DNAH11: variants seen among roughly 807,000 people sequenced by gnomAD.
DNAH11 encodes dynein axonemal heavy chain 11.
DNAH11 carries 442 observed loss-of-function variants against 526.0 expected under a neutral mutation model. The observed-to-expected ratio is 0.84, with a 90% CI of 0.78 to 0.91. The LOEUF (loss-of-function observed/expected upper bound fraction) is 0.91. Ranked by LOEUF, DNAH11 falls within the 40% of genes least tolerant of loss-of-function variation. DNAH11 has a pLI of 0.00. For missense variants in DNAH11, 6,989 were observed against 5,448.7 expected (o/e 1.28, Z -8.90); for synonymous variants, 2,461 against 1,935.9 (o/e 1.27, Z -7.12).
Position 21,687,120 on chromosome 7 carries a change from A to G in DNAH11, c.5643A>G (p.Gln1881=), listed in dbSNP as rs1477174216. Residue 1881 remains glutamine (Q), a synonymous_variant, in exon 33 of 82, where the codon CAA becomes CAG. Transcript: ENST00000409508. ...LTDRCYITLT[Q]SLHLTMSGAP... ...AAAGGTGTTATATTACCTTAACTCA[A>G]TCACTTCATCTAACCATGAGTGGGG... 3 of 1,613,318 alleles carry G rather than the reference A, an allele frequency of 1.9e-6. No homozygotes were observed. Among genetic ancestry groups the G allele is most frequent in the Admixed American group, 1.7e-5 (1 of 59,872 alleles).
chr7:21,657,677 G>T (rs62447809), intron 29 of DNAH11, among the ~76,000 whole-genome samples: 14,865 of 152,144 alleles, frequency 0.098, 1,043 homozygotes, highest in African/African-American at 0.2. Context: ...AGTTATTAAG[G>T]CAGAGATACC....
intron 79 of DNAH11, among the ~76,000 whole-genome samples, chr7:21,897,646 C>T (rs746309184): frequency 2.8e-4 from 43 of 151,958 alleles, no homozygotes; most frequent in Non-Finnish European, 2.9e-4. Flanking sequence ...GAGAGATTCT[C>T]ATTCTGTTGC....
chr7:21,578,882 C>G (rs1784205034), intron 8 of DNAH11, among the ~76,000 whole-genome samples: 1 of 152,166 alleles, frequency 6.6e-6, no homozygotes, highest in African/African-American at 2.4e-5. Flanking sequence ...TGTCCCTCCC[C>G]AAACCTACTC....
intron 8 of DNAH11, among the ~76,000 whole-genome samples, chr7:21,577,680 G>A (rs1784151222): frequency 6.6e-6 from 1 of 152,132 alleles, no homozygotes; most frequent in Non-Finnish European, 1.5e-5. Flanking sequence ...GGAGAACCTG[G>A]ACTTCTGTCT....
chr7:21,570,053 T>C lies in DNAH11; in HGVS notation c.1195-16T>C. ...AAACATAGTTTTGATCATTGTTCCC[T>C]TTCATTAAATCCTAGGCAACAGCTT... On this transcript the variant is annotated splice_polypyrimidine_tract_variant and intron_variant, in intron 6 of 81. Transcript: ENST00000409508. 3.2e-6 allele frequency: 5 copies of C among 1,555,870 alleles called. No homozygotes were observed. Among genetic ancestry groups the C allele is most frequent in the Non-Finnish European group, 4.4e-6 (5 of 1,148,894 alleles).
At chr7:21,690,953 A>T in intron 35 of DNAH11, 72 bp downstream of exon 35, 1 of 1,154,168 alleles carries the variant, frequency 8.7e-7, no homozygotes, top group Non-Finnish European at 1.3e-6. Context: ...TGCACTGTTA[A>T]GTGGTTTGCT....
intron 70 of DNAH11, among the ~76,000 whole-genome samples, chr7:21,865,512 G>A (rs778175947): frequency 6.6e-6 from 1 of 152,088 alleles, no homozygotes; most frequent in Non-Finnish European, 1.5e-5. Context: ...GGATGGGGAA[G>A]GAAAAAGGAG....
chr7:21,688,101 A>G (rs1783460592), intron 34 of DNAH11, among the ~76,000 whole-genome samples: 1 of 152,056 alleles, frequency 6.6e-6, no homozygotes, highest in Admixed American at 6.6e-5. Context: ...CATTCCATTG[A>G]TCAGTTCTCA....
rs1456501429 is a variant in DNAH11, at chr7:21,855,043, T to TC, written c.11202+588_11202+589insC. Reference sequence around the variant, plus strand: ...GCAGTCTCTTAATTTTTTTTTTTTTTTTTTTTGGGATGGAGTCTCCCTCTG... The same window carrying TC: ...GCAGTCTCTTAATTTTTTTTTTTTTTCTTTTTTGGGATGGAGTCTCCCTCTG... On this transcript the variant is annotated intron_variant, in intron 68 of 81. Transcript: ENST00000409508. Among the ~76,000 whole-genome samples, 4 of 149,736 alleles carry TC rather than the reference T, an allele frequency of 2.7e-5. No individual in the cohort carries two copies. The East Asian group carries it at 7.8e-4, about 29-fold the overall frequency.
chr7:21,702,816 A>T lies in DNAH11; in HGVS notation c.6273+14A>T, dbSNP rs142722418. 6.2e-7 allele frequency: 1 copy of T among 1,607,954 alleles called. No homozygotes were observed. Among genetic ancestry groups the T allele is most frequent in the East Asian group, 2.2e-5 (1 of 44,798 alleles). On this transcript the variant is annotated intron_variant, in intron 37 of 81. Coordinates refer to ENST00000409508, the MANE Select transcript of DNAH11 (RefSeq NM_001277115.2). ...CCCGAAGATCAGGTACTGCAATGCT[A>T]ATATGATTTTGTTGAGTGAGTAGCT... is the stretch of plus-strand genomic sequence containing the variant.
intron 70 of DNAH11, 52 bp from the exon 71 acceptor site, chr7:21,866,418 A>T (rs1783280508): frequency 6.6e-7 from 1 of 1,515,504 alleles, no homozygotes; most frequent in South Asian, 1.3e-5. Context: ...TTCTTCTCAA[A>T]CTGTAAAGTA....
At position 21,658,668 on chromosome 7, in the gene DNAH11, G is replaced by A. The variant is rs961966898; in HGVS notation, c.5095-130G>A. 1.2e-5 allele frequency: 8 copies of A among 682,676 alleles called. No individual in the cohort carries two copies. The Admixed American group carries it at 2.2e-4, about 19-fold the overall frequency. The allele number at this position is 682,676 out of a possible 1,614,324, so 42.3% of individuals were successfully genotyped here. On this transcript the variant is annotated intron_variant, in intron 29 of 81. Coordinates refer to ENST00000409508, the MANE Select transcript of DNAH11 (RefSeq NM_001277115.2). ...TCCCCTTTGAGTTATGCCTCTTGCA[G>A]TTTTCTACCTGGGTTTAAAATGAAT...
chr7:21,680,178 C>T (rs552916456), intron 30 of DNAH11, among the ~76,000 whole-genome samples: 2 of 152,240 alleles, frequency 1.3e-5, no homozygotes, highest in Admixed American at 6.5e-5. Context: ...TGCAGGGTTT[C>T]GCATTTTCCG....
At chr7:21,652,536 GT>G (rs1470931250) in intron 28 of DNAH11, among the ~76,000 whole-genome samples, 10 of 146,996 alleles carry the variant, frequency 6.8e-5, no homozygotes, top group Non-Finnish European at 3.1e-5. Flanking sequence ...CAAAATATTA[GT>G]TTATGGATTT....
intron 8 of DNAH11, among the ~76,000 whole-genome samples, chr7:21,574,233 C>G (rs1784000421): frequency 6.6e-6 from 1 of 152,138 alleles, no homozygotes; most frequent in Admixed American, 6.5e-5. Flanking sequence ...TGTGGTGTTT[C>G]TTGATGAAAT....
At chr7:21,686,531 T>G (rs764241417) in intron 32 of DNAH11, among the ~76,000 whole-genome samples, 26 of 152,348 alleles carry the variant, frequency 1.7e-4, no homozygotes, top group Middle Eastern at 3.4e-3. Context: ...TCTAAGTGGA[T>G]GTAGCAACAC....
intron 45 of DNAH11, among the ~76,000 whole-genome samples, chr7:21,726,864 A>T (rs13231008): frequency 4.7e-4 from 4 of 8,434 alleles, no homozygotes; most frequent in African/African-American, 1.7e-3. Flanking sequence ...CTGTCTCAAA[A>T]AAAAAAAAAA....
intron 57 of DNAH11, among the ~76,000 whole-genome samples, chr7:21,779,515 A>C (rs1294343893): frequency 1.3e-5 from 2 of 152,200 alleles, no homozygotes; most frequent in African/African-American, 4.8e-5. Flanking sequence ...CAAATTTTGC[A>C]TTTTAATAAT....
chr7:21,669,867 G>A (rs1189128519), intron 30 of DNAH11, among the ~76,000 whole-genome samples: 1 of 152,004 alleles, frequency 6.6e-6, no homozygotes, highest in Non-Finnish European at 1.5e-5. Flanking sequence ...TCTATTTTCA[G>A]ATTCTCTTGT....
Sources: gnomAD v4.1 joint callset for allele counts (sites outside exome capture counted in the v4.1 genomes callset) on GRCh38, gnomAD v4.1.1 for gene constraint, MANE v1.5 for transcripts, NCBI Gene and HGNC (gene_info 2026-07-23, HGNC 2026-07-21) for gene names.